NUSAP1: variants seen among roughly 807,000 people sequenced by gnomAD.
NUSAP1 encodes nucleolar and spindle-associated protein 1.
A neutral mutation model predicts 52.8 loss-of-function variants in NUSAP1; 32 were observed. The observed-to-expected ratio is 0.61, with a 90% CI of 0.46 to 0.81. The LOEUF (loss-of-function observed/expected upper bound fraction) is 0.81, where lower values mean the gene tolerates loss of function less well. Among genes scored for constraint, NUSAP1 ranks in the 40% least tolerant of loss-of-function variants. NUSAP1 has a pLI of 0.00. For synonymous variants in NUSAP1, 195 were observed against 183.1 expected (o/e 1.06, Z -0.52); for missense variants, 499 against 522.3 (o/e 0.96, Z 0.43).
intron 1 of NUSAP1, among the ~76,000 whole-genome samples, chr15:41,338,639 C>G (rs56140669): frequency 6.6e-6 from 1 of 151,976 alleles, no homozygotes; most frequent in African/African-American, 2.4e-5. Flanking sequence ...ATATTTGAAA[C>G]TTAGGGAAAA....
Position 41,349,098 on chromosome 15 carries a change from G to T in NUSAP1, c.163G>T (p.Asp55Tyr). 1 of 1,613,496 alleles carries T rather than the reference G, an allele frequency of 6.2e-7. No individual in the cohort carries two copies. Among genetic ancestry groups the T allele is most frequent in the Non-Finnish European group, 8.5e-7 (1 of 1,179,608 alleles). Reference protein sequence around the residue: ...HEARKGNENQDESQTSASSCD... With the variant: ...HEARKGNENQYESQTSASSCD... ...AGCAGATTAATACCTCTCTTTTCAG[G>T]ATGAAAGTCAAACTTCTGCATCCTC... Residue 55 changes from aspartate (D) to tyrosine (Y), a missense_variant and splice_region_variant, in exon 3 of 11, where the codon GAT (aspartate) becomes TAT (tyrosine). Physicochemically the swap from Asp to Tyr is radical, Grantham distance 160. Transcript: ENST00000559596.
At chr15:41,366,065 G>A (rs898279535) in intron 7 of NUSAP1, among the ~76,000 whole-genome samples, 2 of 151,938 alleles carry the variant, frequency 1.3e-5, no homozygotes, top group Non-Finnish European at 2.9e-5. Flanking sequence ...TCAGATCAGG[G>A]TAATTAGCAT....
At chr15:41,366,192 T>TGGTTTCATCATGTTAGCCAGGATGGTTTC (rs2049401568) in intron 7 of NUSAP1, among the ~76,000 whole-genome samples, 6 of 152,202 alleles carry the variant, frequency 3.9e-5, no homozygotes, top group Non-Finnish European at 8.8e-5. Context: ...AGTCTGGTTT[T>TGGTTTCATCATGTTAGCCAGGATGGTTTC]GAACTCTTGG....
intron 6 of NUSAP1, among the ~76,000 whole-genome samples, chr15:41,359,612 C>A (rs1011026494): frequency 2.7e-5 from 4 of 148,948 alleles, no homozygotes; most frequent in Admixed American, 6.7e-5. Flanking sequence ...ACCACTGTTA[C>A]AACCATTTTT....
rs1346509171 is a variant in NUSAP1, at chr15:41,365,575, T to C, written c.834T>C (p.Ala278=). The change falls in exon 7 of 11, where the codon GCT becomes GCC. Residue 278 remains alanine (A), a synonymous_variant. Coordinates refer to ENST00000559596, the MANE Select transcript of NUSAP1 (RefSeq NM_016359.5). ...TCAAGCGCTCTGCTATCTCTGCAGC[T>C]AAAACGGGTGTCAGGTAAAGAAATC... ...GSLKRSAISA[A]KTGVRFSAAT... is the part of the protein sequence containing the mutation. The C allele has an allele frequency of 5.0e-6, 8 of 1,596,946 alleles. No homozygotes were observed. The Admixed American group carries it at 6.8e-5, about 14-fold the overall frequency.
chr15:41,349,263 G>A, intron 3 of NUSAP1, 22 bp downstream of exon 3: 1 of 1,598,072 alleles, frequency 6.3e-7, no homozygotes, highest in Non-Finnish European at 8.5e-7. Context: ...TATACAAACT[G>A]AAAATAAACC....
chr15:41,358,842 G>A (rs2049066771), intron 6 of NUSAP1, among the ~76,000 whole-genome samples: 1 of 152,186 alleles, frequency 6.6e-6, no homozygotes, highest in Admixed American at 6.5e-5. Context: ...CATTGATGAT[G>A]AACCAACTTA....
At position 41,332,914 on chromosome 15, in the gene NUSAP1, TTTGGTGATCCATCTTCCGAGTA is replaced by T; in HGVS notation, c.-42_-21del. ...AGGGATTTGAACCGCGCTGACGAAG[TTTGGTGATCCATCTTCCGAGTA>T]TCGCCGGGATTTCGAATCGCGATGA... On this transcript the variant is annotated 5_prime_UTR_variant, in exon 1 of 11. Transcript: ENST00000559596. The T allele has an allele frequency of 6.7e-7, 1 of 1,487,656 alleles. No individual in the cohort carries two copies. The highest frequency in any genetic ancestry group is 9.3e-7 in the Non-Finnish European group (1 of 1,079,528). The allele number at this position is 1,487,656 out of a possible 1,614,324, so 92.2% of individuals were successfully genotyped here. A position where few individuals can be genotyped will look rare whatever the true frequency, so the allele number is the denominator to read the frequency against.
In NUSAP1 at chr15:41,343,944, G is replaced by A. The variant is rs376418691; in HGVS notation, c.162+1490G>A. ...TTGAAATTAAAATTATAGGCCAGGC[G>A]CAGTGGCTCACACCTGTAATCCCAG... On this transcript the variant is annotated intron_variant, in intron 2 of 10. Transcript: ENST00000559596. Among the ~76,000 whole-genome samples the A allele has an allele frequency of 5.9e-3, 899 of 151,528 alleles. 4 individuals carry two copies. The highest frequency in any genetic ancestry group is 9.9e-3 in the Non-Finnish European group (675 of 67,898).
intron 1 of NUSAP1, among the ~76,000 whole-genome samples, chr15:41,339,511 A>G (rs935204838): frequency 6.6e-6 from 1 of 151,918 alleles, no homozygotes; most frequent in Non-Finnish European, 1.5e-5. Flanking sequence ...CCTGGATTCA[A>G]GCAATTCTCT....
intron 1 of NUSAP1, among the ~76,000 whole-genome samples, chr15:41,338,390 A>G (rs1311087794): frequency 2.0e-5 from 3 of 152,088 alleles, no homozygotes; most frequent in African/African-American, 7.2e-5. Flanking sequence ...TCCCCATCTC[A>G]GTACATTGTT....
chr15:41,356,991 G>T (rs1462004096), intron 5 of NUSAP1, among the ~76,000 whole-genome samples: 1 of 152,110 alleles, frequency 6.6e-6, no homozygotes, highest in Admixed American at 6.5e-5. Context: ...GGATACAGTT[G>T]GGGTCAGCAA....
intron 10 of NUSAP1, among the ~76,000 whole-genome samples, 190 bp from the exon 11 acceptor site, chr15:41,379,903 C>A (rs1003593706): frequency 1.3e-5 from 2 of 152,062 alleles, no homozygotes; most frequent in African/African-American, 4.8e-5. Flanking sequence ...AGTTTCTAAC[C>A]CTTTAACACA....
chr15:41,359,970 T>A (rs925174029), intron 6 of NUSAP1, among the ~76,000 whole-genome samples: 1 of 151,912 alleles, frequency 6.6e-6, no homozygotes, highest in African/African-American at 2.4e-5. Context: ...AAACTTTTTT[T>A]TTTTTTGAGA....
chr15:41,336,734 CCT>C (rs1164115527), intron 1 of NUSAP1, among the ~76,000 whole-genome samples: 3 of 146,522 alleles, frequency 2.0e-5, no homozygotes, highest in African/African-American at 7.7e-5. Context: ...GCAGCCTCAA[CCT>C]CTCAGGTTCA....
At chr15:41,359,653 CAG>C (rs1353791837) in intron 6 of NUSAP1, among the ~76,000 whole-genome samples, 2 of 148,426 alleles carry the variant, frequency 1.3e-5, no homozygotes, top group Non-Finnish European at 3.0e-5. Flanking sequence ...TTTTTTGAGA[CAG>C]AGTTTCGCTC....
rs758250299 is a variant in NUSAP1, at chr15:41,371,538, C to G, written c.860C>G (p.Ala287Gly). ...AAKTGVRFSA[A>G]TKDNEHKRSL... is the part of the protein sequence containing the mutation. ...GCTGTCCTATTTAGGTTTTCAGCTGCTACTAAAGATAATGAGCATAAGCGT... is the reference window on the plus strand; with the variant it reads ...GCTGTCCTATTTAGGTTTTCAGCTGGTACTAAAGATAATGAGCATAAGCGT... The change falls in exon 8 of 11, where the codon GCT (alanine) becomes GGT (glycine). Residue 287 changes from alanine to glycine, a missense_variant. Physicochemically the swap from Ala to Gly is moderately conservative, Grantham distance 60. Coordinates refer to ENST00000559596, the MANE Select transcript of NUSAP1 (RefSeq NM_016359.5). The G allele has an allele frequency of 1.3e-6, 2 of 1,597,162 alleles. No homozygotes were observed. Among genetic ancestry groups the G allele is most frequent in the South Asian group, 2.3e-5 (2 of 88,522 alleles).
At chr15:41,341,857 G>A (rs557260110) in intron 1 of NUSAP1, among the ~76,000 whole-genome samples, 25 of 152,238 alleles carry the variant, frequency 1.6e-4, no homozygotes, top group African/African-American at 6.0e-4. Context: ...AGGCTTACAA[G>A]GCCTGGTAAC....
At chr15:41,377,639 C>A (rs1045597482) in intron 10 of NUSAP1, among the ~76,000 whole-genome samples, 1 of 146,420 alleles carries the variant, frequency 6.8e-6, no homozygotes, top group African/African-American at 2.5e-5. Context: ...GCAGAGCTTG[C>A]AGTGAGCCGA....
Sources: allele counts gnomAD v4.1 joint callset (sites outside exome capture counted in the v4.1 genomes callset), GRCh38; gene constraint gnomAD v4.1.1; transcripts MANE v1.5; gene names NCBI Gene and HGNC (gene_info 2026-07-23, HGNC 2026-07-21).